The following ABCB5 variants were observed in gnomAD, a reference collection of about 807,000 sequenced individuals.
ABCB5 encodes ATP-binding cassette sub-family B member 5.
ABCB5 carries 155 observed loss-of-function variants against 144.2 expected under a neutral mutation model. The observed-to-expected ratio is 1.08, with a 90% CI of 0.94 to 1.23. The LOEUF (loss-of-function observed/expected upper bound fraction) is 1.23, where lower values mean the gene tolerates loss of function less well. Ranked by LOEUF, ABCB5 falls within the 50% of genes most tolerant of loss-of-function variation. The pLI, the probability that ABCB5 is intolerant of heterozygous loss-of-function variation, is 0.00. For synonymous variants in ABCB5, 610 were observed against 528.6 expected (o/e 1.15, Z -2.11); for missense variants, 1,830 against 1,520.8 (o/e 1.20, Z -3.38).
At chr7:20,700,535 G>A (rs541910417) in intron 19 of ABCB5, among the ~76,000 whole-genome samples, 1 of 152,194 alleles carries the variant, frequency 6.6e-6, no homozygotes, top group Non-Finnish European at 1.5e-5. Flanking sequence ...CATGTGCATA[G>A]CTTAAGTTTT....
At chr7:20,673,901 A>C (rs1465214117) in intron 14 of ABCB5, among the ~76,000 whole-genome samples, 1 of 151,610 alleles carries the variant, frequency 6.6e-6, no homozygotes, top group Non-Finnish European at 1.5e-5. Context: ...ATTTTGTTTT[A>C]TCTCTTTTGT....
intron 23 of ABCB5, among the ~76,000 whole-genome samples, chr7:20,733,716 G>T (rs1047850315): frequency 6.6e-6 from 1 of 150,780 alleles, no homozygotes; most frequent in Admixed American, 6.6e-5. Context: ...TCAGCTCGCC[G>T]CAAACTCCGC....
chr7:20,647,515 C>G lies in ABCB5; in HGVS notation c.982-20C>G. On this transcript the variant is annotated intron_variant, in intron 9 of 27. Coordinates refer to ENST00000404938, the MANE Select transcript of ABCB5 (RefSeq NM_001163941.2). ...TATATAACTGCAGAAAGATAAATAT[C>G]ACTTTGTTTGTTCCTGTAGGTTTTC... The G allele has an allele frequency of 6.5e-7, 1 of 1,530,314 alleles. No homozygotes were observed. Among genetic ancestry groups the G allele is most frequent in the Non-Finnish European group, 8.8e-7 (1 of 1,142,064 alleles). The allele number at this position is 1,530,314 out of a possible 1,614,324, so 94.8% of individuals were successfully genotyped here.
At chr7:20,636,983 T>C (rs750646400) in intron 5 of ABCB5, among the ~76,000 whole-genome samples, 3 of 152,132 alleles carry the variant, frequency 2.0e-5, no homozygotes. Context: ...GATACATACA[T>C]GACAAATACG....
intron 21 of ABCB5, among the ~76,000 whole-genome samples, chr7:20,726,240 A>G (rs1339165930): frequency 6.6e-6 from 1 of 152,144 alleles, no homozygotes; most frequent in Non-Finnish European, 1.5e-5. Flanking sequence ...TATCTCATAA[A>G]GAATTTTATA....
chr7:20,746,192 T>G (rs1782716910), intron 26 of ABCB5, among the ~76,000 whole-genome samples: 1 of 152,058 alleles, frequency 6.6e-6, no homozygotes, highest in African/African-American at 2.4e-5. Context: ...CCACCTCCCG[T>G]GTTCAAGCAA....
intron 14 of ABCB5, among the ~76,000 whole-genome samples, chr7:20,668,371 G>A (rs370366999): frequency 4.7e-4 from 69 of 146,258 alleles, no homozygotes; most frequent in African/African-American, 1.4e-3. Context: ...CCTCTGCCCC[G>A]CCGCCCTGTC....
At chr7:20,744,256 C>T (rs765750454) in intron 25 of ABCB5, among the ~76,000 whole-genome samples, 7 of 151,934 alleles carry the variant, frequency 4.6e-5, no homozygotes, top group Non-Finnish European at 8.8e-5. Flanking sequence ...TTTGTAGAAA[C>T]GGGGTTTCAC....
intron 21 of ABCB5, among the ~76,000 whole-genome samples, chr7:20,724,651 G>GA (rs1415909525): frequency 2.2e-5 from 3 of 134,468 alleles, no homozygotes; most frequent in Non-Finnish European, 5.1e-5. Context: ...AAAAAAAAAG[G>GA]GTGTTCCTCT....
intron 22 of ABCB5, among the ~76,000 whole-genome samples, chr7:20,728,038 G>A (rs1335103345): frequency 6.6e-6 from 1 of 152,098 alleles, no homozygotes; most frequent in Non-Finnish European, 1.5e-5. Flanking sequence ...CCTTTCACGG[G>A]CTTTGCCCAT....
intron 9 of ABCB5, among the ~76,000 whole-genome samples, chr7:20,646,690 G>C (rs1784419659): frequency 6.6e-6 from 1 of 152,188 alleles, no homozygotes; most frequent in African/African-American, 2.4e-5. Flanking sequence ...ATCCTCTTAA[G>C]TTACAATAAA....
rs201244034 is a variant in ABCB5, at chr7:20,626,603, A to T, written c.100A>T (p.Ile34Phe). ...PKLRKEAVGSIEIFRFADGLD... is the reference protein window; with the variant it reads ...PKLRKEAVGSFEIFRFADGLD... The stretch of plus-strand genomic sequence containing the variant: ...ACTGAGAAAGGAAGCAGTTGGATCT[A>T]TTGAGATAGTAAGTGAAATCAGTTA... Residue 34 changes from isoleucine to phenylalanine, a missense_variant, in exon 3 of 28, where the codon ATT becomes TTT. By Grantham distance (21) the Ile-to-Phe change is conservative. Transcript: ENST00000404938. 2 of 1,605,888 alleles carry T rather than the reference A, an allele frequency of 1.2e-6. No homozygotes were observed. Among genetic ancestry groups the T allele is most frequent in the African/African-American group, 1.3e-5 (1 of 74,834 alleles).
chr7:20,662,199 A>G (rs1785024763), intron 14 of ABCB5, among the ~76,000 whole-genome samples: 1 of 151,542 alleles, frequency 6.6e-6, no homozygotes, highest in South Asian at 2.1e-4. Context: ...CTCTTTGGTA[A>G]TTATGAAGGA....
At chr7:20,742,753 A>G (rs1782600698) in intron 24 of ABCB5, 124 bp from the exon 25 acceptor site, 1 of 877,438 alleles carries the variant, frequency 1.1e-6, no homozygotes, top group Admixed American at 2.2e-5. Context: ...AGATGCATAC[A>G]TGTTTAAAAT....
intron 14 of ABCB5, among the ~76,000 whole-genome samples, chr7:20,666,042 T>G (rs111800117): frequency 1.5e-4 from 23 of 151,968 alleles, no homozygotes; most frequent in African/African-American, 5.1e-4. Flanking sequence ...TGGTGGCACA[T>G]GCGTGCAATC....
intron 20 of ABCB5, among the ~76,000 whole-genome samples, chr7:20,707,797 A>G (rs950749125): frequency 1.0e-5 from 1 of 99,082 alleles, no homozygotes; most frequent in Non-Finnish European, 2.1e-5. Flanking sequence ...TGGTAACCTC[A>G]TTTCTTTTTT....
chr7:20,752,559 G>T (rs998851958), intron 26 of ABCB5, among the ~76,000 whole-genome samples: 1 of 152,126 alleles, frequency 6.6e-6, no homozygotes, highest in South Asian at 2.1e-4. Context: ...GTTTCAAGAC[G>T]CCAACCTGGC....
intron 26 of ABCB5, among the ~76,000 whole-genome samples, chr7:20,747,663 T>C (rs972832341): frequency 5.9e-5 from 9 of 152,242 alleles, no homozygotes; most frequent in Non-Finnish European, 1.2e-4. Context: ...TGCTAACTTT[T>C]TACAACAGAC....
intron 24 of ABCB5, among the ~76,000 whole-genome samples, chr7:20,741,479 A>T (rs1782559445): frequency 6.6e-6 from 1 of 152,104 alleles, no homozygotes; most frequent in Non-Finnish European, 1.5e-5. Flanking sequence ...AATAATATTC[A>T]TAGGTTGTAG....
Sources: allele counts gnomAD v4.1 joint callset (sites outside exome capture counted in the v4.1 genomes callset), GRCh38; gene constraint gnomAD v4.1.1; transcripts MANE v1.5; gene names NCBI Gene and HGNC (gene_info 2026-07-23, HGNC 2026-07-21).